INPP5J: variants seen among roughly 807,000 people sequenced by gnomAD.
The protein encoded by INPP5J is phosphatidylinositol 4,5-bisphosphate 5-phosphatase A.
A neutral mutation model predicts 86.6 loss-of-function variants in INPP5J; 75 were observed. The ratio of observed to expected loss-of-function variants is 0.87; its 90% CI spans 0.72 to 1.05. The LOEUF (loss-of-function observed/expected upper bound fraction) is 1.05, where lower values mean the gene tolerates loss of function less well. Among genes scored for constraint, INPP5J ranks in the 50% least tolerant of loss-of-function variants. INPP5J has a pLI of 0.00. For synonymous variants in INPP5J, 540 were observed against 550.0 expected, an observed-to-expected ratio of 0.98 and a Z score of 0.25; for missense variants, 1,229 against 1,341.2, an observed-to-expected ratio of 0.92 and a Z score of 1.31.
intron 1 of INPP5J, among the ~76,000 whole-genome samples, chr22:31,124,440 C>G (rs1921152037): frequency 6.6e-6 from 1 of 152,164 alleles, no homozygotes; most frequent in Non-Finnish European, 1.5e-5. Flanking sequence ...GTGCCCAGAC[C>G]TGGGATGTCA....
chr22:31,130,334 T>C (rs1921956665), intron 9 of INPP5J, among the ~76,000 whole-genome samples: 1 of 151,976 alleles, frequency 6.6e-6, no homozygotes, highest in Non-Finnish European at 1.5e-5. Flanking sequence ...TGAGCAAGAC[T>C]GTGTCTCAGG....
rs529365616 is a variant in INPP5J at position 31,127,372 on chromosome 22, G to T, written c.1627G>T (p.Val543Leu). The change falls in exon 6 of 13, where the codon GTG (valine) becomes TTG (leucine). Residue 543 changes from valine (V) to leucine (L), a missense_variant. Transcript: ENST00000331075. ...GCCTCCCTAGGGTAACAAGGGTGGC[G>T]TGAGCGTGCGCCTGGCGGCCTTCGG... The part of the protein sequence containing the change: ...LGGYWGNKGG[V>L]SVRLAAFGHM... The T allele has an allele frequency of 6.2e-7, 1 of 1,611,570 alleles. No homozygotes were observed. Among genetic ancestry groups the T allele is most frequent in the African/African-American group, 1.3e-5 (1 of 74,912 alleles).
intron 9 of INPP5J, among the ~76,000 whole-genome samples, chr22:31,130,346 A>AAAAAAT (rs1173008501): frequency 2.0e-5 from 3 of 152,008 alleles, no homozygotes; most frequent in Non-Finnish European, 4.4e-5. Flanking sequence ...TGTCTCAGGG[A>AAAAAAT]AAAAATAAAA....
intron 7 of INPP5J, 62 bp downstream of exon 7, chr22:31,128,124 T>C: frequency 1.4e-6 from 2 of 1,459,518 alleles, no homozygotes; most frequent in Non-Finnish European, 1.9e-6. Flanking sequence ...TACCTTAGAC[T>C]ATGGTCCCTG....
At chr22:31,127,729 G>A in intron 6 of INPP5J, 197 bp downstream of exon 6, 2 of 696,596 alleles carry the variant, frequency 2.9e-6, no homozygotes, top group African/African-American at 1.8e-5. Context: ...TTTGCTGAGG[G>A]GCCCCGCCTT....
Position 31,128,571 on chromosome 22 carries a change from C to T in INPP5J, c.2110C>T (p.Gln704Ter). Residue 704 changes from glutamine to a stop codon, truncating the protein, a stop_gained, in exon 9 of 13, where the codon CAG becomes TAG. Transcript: ENST00000331075. LOFTEE classifies it high-confidence loss of function. ...SPSGRKSHRLQVTQHSYRSHM... is the reference protein window; with the variant it reads ...SPSGRKSHRL ...CTCAGGACGGAAGAGCCACCGACTC[C>T]AGGTGACGCAGCACAGCTACCGCAG... 1 of 1,613,378 alleles carries T rather than the reference C, an allele frequency of 6.2e-7. No homozygotes were observed.
In INPP5J at chr22:31,128,247, A is replaced by G. The variant is rs1921701003; in HGVS notation, c.1933A>G (p.Lys645Glu). 1.3e-6 allele frequency: 2 copies of G among 1,599,696 alleles called. No homozygotes were observed. Among genetic ancestry groups the G allele is most frequent in the African/African-American group, 2.7e-5 (2 of 74,448 alleles). ...GGCCAAGAACACCTGGCCCATTCTG[A>G]AGGGCTTTCAGGAGGGGCCCCTCAA... is the stretch of plus-strand genomic sequence containing the variant. The part of the protein sequence containing the change: ...NMAKNTWPIL[K>E]GFQEGPLNFA... The change falls in exon 8 of 13, where the codon AAG (lysine) becomes GAG (glutamate). Residue 645 changes from lysine (K) to glutamate (E), a missense_variant. Coordinates refer to ENST00000331075, the MANE Select transcript of INPP5J (RefSeq NM_001284285.2).
In INPP5J at chr22:31,126,022, C is replaced by T. The variant is rs756365160; in HGVS notation, c.1271+12C>T. ...GACCCCGGCTTCCGGTGAGGGGGCC[C>T]TCTCCCAAGAAAGGTGGCTGGGGCT... is the stretch of plus-strand genomic sequence containing the variant. On this transcript the variant is annotated intron_variant, in intron 2 of 12. Transcript: ENST00000331075. 2.6e-6 allele frequency: 4 copies of T among 1,547,680 alleles called. No individual in the cohort carries two copies. Among genetic ancestry groups the T allele is most frequent in the South Asian group, 2.4e-5 (2 of 83,750 alleles).
Position 31,133,688 on chromosome 22 carries a change from C to G in INPP5J, c.2488C>G (p.Leu830Val). Residue 830 changes from leucine (L) to valine (V), a missense_variant, in exon 12 of 13, where the codon CTC (leucine) becomes GTC (valine). Physicochemically the swap from Leu to Val is conservative, Grantham distance 32. Coordinates refer to ENST00000331075, the MANE Select transcript of INPP5J (RefSeq NM_001284285.2). ...CTACTATAGTCACAACCACAGCATC[C>G]TCATCGGCATCACTGAACCCTTCCA... ...LGYYSHNHSILIGITEPFQIS... is the reference protein window; with the variant it reads ...LGYYSHNHSIVIGITEPFQIS... The G allele has an allele frequency of 1.2e-6, 2 of 1,613,132 alleles. No individual in the cohort carries two copies. Among genetic ancestry groups the G allele is most frequent in the Non-Finnish European group, 1.7e-6 (2 of 1,179,498 alleles).
In INPP5J at chr22:31,127,013, G is replaced by T. The variant is rs188276922; in HGVS notation, c.1587G>T (p.Thr529=). The change falls in exon 5 of 13, where the codon ACG becomes ACT. Residue 529 remains threonine (T), a synonymous_variant. Coordinates refer to ENST00000331075, the MANE Select transcript of INPP5J (RefSeq NM_001284285.2). Reference sequence around the variant, plus strand: ...TGCGAGACGTGCAGACCGACTGCACGCGCACTGGCCTGGGCGGCTACTGGG... The same window carrying T: ...TGCGAGACGTGCAGACCGACTGCACTCGCACTGGCCTGGGCGGCTACTGGG... ...PFLRDVQTDC[T]RTGLGGYWGN... is the part of the protein sequence containing the mutation. 1 of 1,605,166 alleles carries T rather than the reference G, an allele frequency of 6.2e-7. No individual in the cohort carries two copies. The highest frequency in any genetic ancestry group is 1.3e-5 in the African/African-American group (1 of 74,710).
rs1921329093 is a variant in INPP5J at position 31,125,770 on chromosome 22, C to T, written c.1031C>T (p.Pro344Leu). 1 of 1,554,528 alleles carries T rather than the reference C, an allele frequency of 6.4e-7. No homozygotes were observed. Among genetic ancestry groups the T allele is most frequent in the Non-Finnish European group, 8.7e-7 (1 of 1,148,722 alleles). Reference sequence around the variant, plus strand: ...ACTGTGCCCCCACCTCTGCCCAAGCCACCCCGATCACCCAGCCGTTCCCCA... The same window carrying T: ...ACTGTGCCCCCACCTCTGCCCAAGCTACCCCGATCACCCAGCCGTTCCCCA... ...GQTVPPPLPK[P>L]PRSPSRSPSH... Residue 344 changes from proline to leucine, a missense_variant, in exon 2 of 13, where the codon CCA becomes CTA. By Grantham distance (98) the Pro-to-Leu change is moderately conservative (BLOSUM62 -3). Transcript: ENST00000331075.
At chr22:31,127,870 T>G (rs1290118201) in intron 6 of INPP5J, 81 bp from the exon 7 acceptor site, 2 of 849,938 alleles carry the variant, frequency 2.4e-6, no homozygotes, top group African/African-American at 1.7e-5. Context: ...TGGAAGGATC[T>G]GGGCTGAGCC....
At position 31,133,113 on chromosome 22, in the gene INPP5J, G is replaced by A. The variant is rs369688014; in HGVS notation, c.2209G>A (p.Asp737Asn). Residue 737 changes from aspartate (D) to asparagine (N), a missense_variant, in exon 10 of 13, where the codon GAC (aspartate) becomes AAC (asparagine). Coordinates refer to ENST00000331075, the MANE Select transcript of INPP5J (RefSeq NM_001284285.2). The part of the protein sequence containing the change: ...QFLLQFAFRD[D>N]MPLVRLEVAD... Reference sequence around the variant, plus strand: ...GCCTGGACAGTTTGCCTTCAGGGACGACATGCCACTGGTGCGGCTGGAGGT... The same window carrying A: ...GCCTGGACAGTTTGCCTTCAGGGACAACATGCCACTGGTGCGGCTGGAGGT... The A allele has an allele frequency of 1.6e-5, 25 of 1,563,974 alleles. No individual in the cohort carries two copies. The highest frequency in any genetic ancestry group is 1.7e-4 in the Middle Eastern group (1 of 6,014).
Position 31,126,400 on chromosome 22 carries a change from G to C in INPP5J, c.1296G>C (p.Val432=), listed in dbSNP as rs754506894. The change falls in exon 3 of 13, where the codon GTG becomes GTC. Residue 432 remains valine, a synonymous_variant. Transcript: ENST00000331075. The part of the protein sequence containing the change: ...GFRITVVTWN[V]GTAMPPDDVT... The stretch of plus-strand genomic sequence containing the variant: ...GGATCACTGTGGTCACATGGAACGT[G>C]GGCACTGCCATGCCCCCAGACGATG... The C allele has an allele frequency of 1.6e-4, 263 of 1,613,562 alleles. No homozygotes were observed. The highest frequency in any genetic ancestry group is 2.1e-4 in the Non-Finnish European group (246 of 1,179,784).
chr22:31,134,033 G>A lies in INPP5J; in HGVS notation c.2635G>A (p.Gly879Ser). The change falls in exon 13 of 13, where the codon GGC (glycine) becomes AGC (serine). Residue 879 changes from glycine (G) to serine (S), a missense_variant. Physicochemically the swap from Gly to Ser is moderately conservative, Grantham distance 56 (BLOSUM62 0). Transcript: ENST00000331075. ...LAPKSRSPSP[G>S]KSKRHRSRSP... ...ACCCAAGTCCCGCAGCCCCAGTCCT[G>A]GCAAGTCCAAGCGACACCGCAGCCG... 3 of 1,605,418 alleles carry A rather than the reference G, an allele frequency of 1.9e-6. No individual in the cohort carries two copies. The highest frequency in any genetic ancestry group is 2.5e-6 in the Non-Finnish European group (3 of 1,176,882).
Position 31,133,159 on chromosome 22 carries a change from C to G in INPP5J, c.2255C>G (p.Pro752Arg), listed in dbSNP as rs774005501. Residue 752 changes from proline to arginine, a missense_variant, in exon 10 of 13, where the codon CCC (proline) becomes CGC (arginine). Coordinates refer to ENST00000331075, the MANE Select transcript of INPP5J (RefSeq NM_001284285.2). ...GAGGTGGCAGATGAGTGGGTGCGGC[C>G]CGAGCAGGCGGTGGTGAGGTACCGC... ...RLEVADEWVR[P>R]EQAVVRYRME... 6.3e-7 allele frequency: 1 copy of G among 1,581,550 alleles called. No individual in the cohort carries two copies. The highest frequency in any genetic ancestry group is 8.6e-7 in the Non-Finnish European group (1 of 1,164,782).
In INPP5J at chr22:31,128,222, G is replaced by A. The variant is rs771532986; in HGVS notation, c.1908G>A (p.Met636Ile). ...TCCTGGACCCCCCACAGCTCAACAT[G>A]GCCAAGAACACCTGGCCCATTCTGA... Reference protein sequence around the residue: ...HQLWEKDQLNMAKNTWPILKG... With the variant: ...HQLWEKDQLNIAKNTWPILKG... Residue 636 changes from methionine to isoleucine, a missense_variant, in exon 8 of 13, where the codon ATG becomes ATA. Met to Ile is a conservative substitution (Grantham distance 10, BLOSUM62 1). Coordinates refer to ENST00000331075, the MANE Select transcript of INPP5J (RefSeq NM_001284285.2). 3.1e-6 allele frequency: 5 copies of A among 1,593,864 alleles called. No homozygotes were observed. The East Asian group carries it at 1.1e-4, about 36-fold the overall frequency.
At position 31,125,379 on chromosome 22, in the gene INPP5J, C is replaced by T; in HGVS notation, c.640C>T (p.Gln214Ter). ...PVPSPVLSPT[Q>*]EQALAPASTA... ...GCCCAGTCCAGTTCTGTCTCCAACT[C>T]AGGAACAGGCCCTGGCTCCAGCATC... Residue 214 changes from glutamine (Q) to a stop codon, truncating the protein, a stop_gained, in exon 2 of 13, where the codon CAG becomes TAG. Coordinates refer to ENST00000331075, the MANE Select transcript of INPP5J (RefSeq NM_001284285.2). LOFTEE classifies it high-confidence loss of function. The T allele has an allele frequency of 6.4e-7, 1 of 1,550,618 alleles. No homozygotes were observed.
chr22:31,124,770 C>T, intron 1 of INPP5J, 75 bp from the exon 2 acceptor site: 1 of 1,297,370 alleles, frequency 7.7e-7, no homozygotes, highest in Non-Finnish European at 1.1e-6. Context: ...ATGAACTCTG[C>T]CAGGGTCTAT....
Sources: gnomAD v4.1 joint callset for allele counts (sites outside exome capture counted in the v4.1 genomes callset) on GRCh38, gnomAD v4.1.1 for gene constraint, MANE v1.5 for transcripts, NCBI Gene and HGNC (gene_info 2026-07-23, HGNC 2026-07-21) for gene names.